Variants in CALN1 observed in about 807,000 individuals in gnomAD.
The protein encoded by CALN1 is calcium-binding protein 8.
Under a neutral mutation model 30.6 loss-of-function variants are expected in CALN1, and 17 were observed. The observed-to-expected ratio is 0.56, with a 90% CI of 0.38 to 0.83. The LOEUF is 0.83. Ranked by LOEUF, CALN1 falls within the 40% of genes least tolerant of loss-of-function variation. The pLI is 0.00. For missense variants in CALN1, 291 were observed against 354.9 expected (o/e 0.82, Z 1.45); for synonymous variants, 156 against 131.4 (o/e 1.19, Z -1.28).
At chr7:72,138,000 T>C (rs1279951272) in intron 3 of CALN1, among the ~76,000 whole-genome samples, 1 of 152,214 alleles carries the variant, frequency 6.6e-6, no homozygotes, top group Non-Finnish European at 1.5e-5. Context: ...CTGCTATTTT[T>C]GAAATTATTT....
chr7:71,957,383 A>C (rs2129524789), intron 5 of CALN1, among the ~76,000 whole-genome samples: 1 of 152,326 alleles, frequency 6.6e-6, no homozygotes, highest in African/African-American at 2.4e-5. Flanking sequence ...AAAGGAAATA[A>C]AGAGGTTTAA....
rs183635187 is a variant in CALN1, at chr7:72,425,903, A to G, written c.-225-13628T>C. ...TGTCGGCTTTGGGAAAGAGATTCCAATAATTACAATCAAACTCCTCCTCAT... is the reference window on the plus strand; with the variant it reads ...TGTCGGCTTTGGGAAAGAGATTCCAGTAATTACAATCAAACTCCTCCTCAT... On this transcript the variant is annotated intron_variant, in intron 1 of 6. Transcript: ENST00000395276. 1.2e-3 allele frequency among the ~76,000 whole-genome samples: 184 copies of G among 152,182 alleles called. 2 individuals are homozygous for G. The highest frequency in any genetic ancestry group is 4.2e-3 in the African/African-American group (175 of 41,538).
chr7:72,105,154 C>T (rs774581723), intron 4 of CALN1, among the ~76,000 whole-genome samples: 19 of 152,230 alleles, frequency 1.2e-4, no homozygotes, highest in East Asian at 9.7e-4. Context: ...CTGTGACTCT[C>T]GTCTGGCTAC....
chr7:71,974,476 C>G (rs945596725), intron 5 of CALN1, among the ~76,000 whole-genome samples: 13 of 149,362 alleles, frequency 8.7e-5, no homozygotes, highest in African/African-American at 3.2e-4. Context: ...CCCCACACAG[C>G]TTATATTGCT....
chr7:71,972,085 G>C (rs1797876367), intron 5 of CALN1, among the ~76,000 whole-genome samples: 1 of 151,996 alleles, frequency 6.6e-6, no homozygotes, highest in African/African-American at 2.4e-5. Flanking sequence ...CAACTAAAAA[G>C]AGGTGAATAC....
chr7:72,225,344 G>T (rs796897389), intron 3 of CALN1, among the ~76,000 whole-genome samples: 2 of 151,986 alleles, frequency 1.3e-5, no homozygotes, highest in Non-Finnish European at 2.9e-5. Context: ...ACCCTGCTTC[G>T]GTTCTTTTTC....
At chr7:72,414,777 G>A (rs1357222074), upstream of CALN1, among the ~76,000 whole-genome samples, 9 of 152,150 alleles carry the variant, frequency 5.9e-5, no homozygotes, top group Admixed American at 5.9e-4. Flanking sequence ...ATGCTTGGAT[G>A]GCCCAAGACT....
At chr7:72,323,311 GCCCTTC>G (rs1801024501) in intron 2 of CALN1, among the ~76,000 whole-genome samples, 2 of 152,090 alleles carry the variant, frequency 1.3e-5, no homozygotes, top group African/African-American at 4.8e-5. Flanking sequence ...GATTCTGGAA[GCCCTTC>G]GTGTGAAGCT....
intron 3 of CALN1, among the ~76,000 whole-genome samples, chr7:72,128,983 A>C (rs1225954430): frequency 6.6e-6 from 1 of 152,200 alleles, no homozygotes; most frequent in Non-Finnish European, 1.5e-5. Context: ...AGAGGAGCTA[A>C]TTTCCCTCAC....
chr7:72,123,122 G>A (rs1808505475), intron 3 of CALN1, among the ~76,000 whole-genome samples: 1 of 152,156 alleles, frequency 6.6e-6, no homozygotes, highest in African/African-American at 2.4e-5. Flanking sequence ...AGAACAAGAG[G>A]ACAGCGATGG....
chr7:72,472,356 C>G, the CALN1 span, among the ~76,000 whole-genome samples: 1 of 152,170 alleles, frequency 6.6e-6, no homozygotes. Flanking sequence ...ACAATATCTG[C>G]CATGCCTGGG....
In CALN1 at chr7:72,038,554, G is replaced by T. The variant is rs527355007; in HGVS notation, c.389-14785C>A. On this transcript the variant is annotated intron_variant, in intron 4 of 6. Transcript: ENST00000395275. ...CAGAGCAACTCCATCTTGAATAGGA[G>T]CTGGGTAAAATAAGGCTGAAACCCT... Among the ~76,000 whole-genome samples, 8 of 152,130 alleles carry T rather than the reference G, an allele frequency of 5.3e-5. 1 individual carries two copies. In the South Asian group the frequency reaches 1.7e-3, roughly 32 times the overall value.
chr7:72,470,596 G>A, the CALN1 span, among the ~76,000 whole-genome samples: 1 of 152,140 alleles, frequency 6.6e-6, no homozygotes, highest in African/African-American at 2.4e-5. Flanking sequence ...CAGTAGAAGA[G>A]ACAATTTTTC....
chr7:72,289,915 A>C (rs1798357487), intron 2 of CALN1, among the ~76,000 whole-genome samples: 1 of 151,518 alleles, frequency 6.6e-6, no homozygotes, highest in Non-Finnish European at 1.5e-5. Context: ...TCATTTCTAC[A>C]AAAAATAAAA....
intron 5 of CALN1, among the ~76,000 whole-genome samples, chr7:71,854,761 TG>T (rs929325201): frequency 1.3e-5 from 2 of 152,256 alleles, no homozygotes; most frequent in Admixed American, 6.5e-5. Context: ...ATTCATTCAC[TG>T]TGAGTGTCTG....
chr7:72,059,026 A>C (rs571060440), intron 4 of CALN1, among the ~76,000 whole-genome samples: 3 of 152,342 alleles, frequency 2.0e-5, no homozygotes, highest in Non-Finnish European at 4.4e-5. Flanking sequence ...GTGAACATCC[A>C]ATTTCATTTA....
intron 5 of CALN1, among the ~76,000 whole-genome samples, chr7:71,988,376 G>C (rs1047956529): frequency 1.2e-4 from 18 of 152,134 alleles, no homozygotes; most frequent in African/African-American, 4.3e-4. Flanking sequence ...ATCTCCAAAG[G>C]TGTGTGCGCG....
chr7:72,023,870 T>A (rs1326222658), intron 4 of CALN1, 101 bp from the exon 5 acceptor site: 2 of 718,160 alleles, frequency 2.8e-6, no homozygotes, highest in East Asian at 5.0e-5. Flanking sequence ...TGGCATGACC[T>A]CAATCAATGA....
At chr7:72,014,729 A>G (rs981236087) in intron 5 of CALN1, among the ~76,000 whole-genome samples, 2 of 151,896 alleles carry the variant, frequency 1.3e-5, no homozygotes, top group African/African-American at 4.8e-5. Flanking sequence ...TGGCATGATC[A>G]TGGCTCCCTG....
Sources: allele counts gnomAD v4.1 joint callset (sites outside exome capture counted in the v4.1 genomes callset), GRCh38; gene constraint gnomAD v4.1.1; transcripts MANE v1.5; gene names NCBI Gene and HGNC (gene_info 2026-07-23, HGNC 2026-07-21).